Variants in FAM171A1 observed in about 807,000 individuals in gnomAD.
FAM171A1 encodes the protein family with sequence similarity 171 member A1, also known as protein FAM171A1.
A neutral mutation model predicts 74.9 loss-of-function variants in FAM171A1; 23 were observed. That is an observed-to-expected ratio of 0.31 (90% CI 0.22 to 0.44). FAM171A1 has a LOEUF of 0.44. FAM171A1 is among the 20% of genes least tolerant of loss of function. FAM171A1 has a pLI of 1.00. For synonymous variants in FAM171A1, 527 were observed against 505.7 expected, an observed-to-expected ratio of 1.04 and a Z score of -0.57; for missense variants, 1,162 against 1,159.2, an observed-to-expected ratio of 1.00 and a Z score of -0.03.
chr10:15,346,320 A>G (rs1395899949), intron 1 of FAM171A1, among the ~76,000 whole-genome samples: 1 of 151,440 alleles, frequency 6.6e-6, no homozygotes, highest in Non-Finnish European at 1.5e-5. Flanking sequence ...CTGGTCTTGA[A>G]CTCCTGGCTT....
At position 15,248,563 on chromosome 10, in the gene FAM171A1, T is replaced by C. The variant is rs1168374901; in HGVS notation, c.754+76A>G. On this transcript the variant is annotated intron_variant, in intron 5 of 7. Coordinates refer to ENST00000378116, the MANE Select transcript of FAM171A1 (RefSeq NM_001010924.2). ...TGACTTCAAGGAAAGGAGACTTCCA[T>C]GAGCTTCTTAGAAGGAAAACCAAAC... The C allele has an allele frequency of 1.6e-5, 23 of 1,462,212 alleles. No individual in the cohort carries two copies. In the East Asian group the frequency reaches 4.7e-4, roughly 30 times the overall value. 90.6% of individuals were successfully genotyped at this position (1,462,212 alleles called of 1,614,324 possible).
chr10:15,309,880 T>G (rs563313963), intron 1 of FAM171A1, among the ~76,000 whole-genome samples: 8 of 152,344 alleles, frequency 5.3e-5, no homozygotes, highest in African/African-American at 1.7e-4. Flanking sequence ...ATTAAATTAT[T>G]TTTGCTTAGT....
intron 1 of FAM171A1, among the ~76,000 whole-genome samples, chr10:15,311,782 A>T (rs1835362432): frequency 1.3e-5 from 2 of 152,146 alleles, no homozygotes; most frequent in Admixed American, 6.5e-5. Context: ...AGTAAAGGAG[A>T]ATTCTCCTCT....
At chr10:15,248,016 C>A (rs1834457361) in intron 5 of FAM171A1, among the ~76,000 whole-genome samples, 2 of 152,150 alleles carry the variant, frequency 1.3e-5, no homozygotes, top group African/African-American at 2.4e-5. Context: ...AGACTCTGAG[C>A]CCTACCACCC....
chr10:15,303,412 G>A (rs1258459769), intron 1 of FAM171A1, among the ~76,000 whole-genome samples: 1 of 152,082 alleles, frequency 6.6e-6, no homozygotes, highest in African/African-American at 2.4e-5. Flanking sequence ...ATCAGCATAC[G>A]GTATTTTCCA....
chr10:15,218,208 T>G (rs1833991647), intron 6 of FAM171A1, among the ~76,000 whole-genome samples: 1 of 152,064 alleles, frequency 6.6e-6, no homozygotes, highest in East Asian at 1.9e-4. Flanking sequence ...GCCTCCTGAG[T>G]ACCTGGGACT....
chr10:15,288,357 ATGAG>A (rs1208944745), intron 1 of FAM171A1, among the ~76,000 whole-genome samples: 1 of 151,868 alleles, frequency 6.6e-6, no homozygotes, highest in Non-Finnish European at 1.5e-5. Context: ...ATTTGGTTAC[ATGAG>A]TAAGTTTTTT....
chr10:15,227,633 G>C (rs1834125747), intron 5 of FAM171A1, among the ~76,000 whole-genome samples: 1 of 152,076 alleles, frequency 6.6e-6, no homozygotes, highest in Non-Finnish European at 1.5e-5. Flanking sequence ...CTCCTGCCTT[G>C]GCCTCCCAAA....
Position 15,220,922 on chromosome 10 carries a change from G to C in FAM171A1, c.871+22C>G, listed in dbSNP as rs201994961. The stretch of plus-strand genomic sequence containing the variant: ...ACCAAAGCAACTGATCCGCATCATC[G>C]CAAGTGTTGGCTCCGTGTTACCTGG... On this transcript the variant is annotated intron_variant, in intron 6 of 7. Coordinates refer to ENST00000378116, the MANE Select transcript of FAM171A1 (RefSeq NM_001010924.2). 2.5e-6 allele frequency: 4 copies of C among 1,573,238 alleles called. No individual in the cohort carries two copies. In the South Asian group the frequency reaches 3.3e-5, roughly 13 times the overall value.
chr10:15,240,663 G>T, intron 5 of FAM171A1: 3 of 967,594 alleles, frequency 3.1e-6, no homozygotes, highest in Non-Finnish European at 3.7e-6. Context: ...TCTCCTAAGA[G>T]TAAACTTTCA....
intron 4 of FAM171A1, among the ~76,000 whole-genome samples, chr10:15,254,393 TCTTATA>T (rs1478382283): frequency 6.6e-6 from 1 of 152,166 alleles, no homozygotes; most frequent in Non-Finnish European, 1.5e-5. Flanking sequence ...CTAAGTCTAA[TCTTATA>T]CTTAAAAAAA....
intron 5 of FAM171A1, 65 bp downstream of exon 5, chr10:15,248,574 G>C: frequency 6.7e-7 from 1 of 1,497,026 alleles, no homozygotes; most frequent in Non-Finnish European, 9.0e-7. Context: ...GAGCTTCTTA[G>C]AAGGAAAACC....
At chr10:15,276,934 A>C (rs1213169504) in intron 2 of FAM171A1, among the ~76,000 whole-genome samples, 1 of 151,670 alleles carries the variant, frequency 6.6e-6, no homozygotes, top group Non-Finnish European at 1.5e-5. Flanking sequence ...AATCCTTCCC[A>C]CCTTTGCCTT....
intron 4 of FAM171A1, among the ~76,000 whole-genome samples, chr10:15,249,193 T>C (rs1011744918): frequency 4.0e-5 from 6 of 148,890 alleles, no homozygotes; most frequent in Admixed American, 2.1e-4. Flanking sequence ...ACCTCCTGGG[T>C]TCAAGCGATC....
At chr10:15,302,043 A>G (rs1835236055) in intron 1 of FAM171A1, among the ~76,000 whole-genome samples, 1 of 152,150 alleles carries the variant, frequency 6.6e-6, no homozygotes, top group African/African-American at 2.4e-5. Flanking sequence ...GGGTTTTCAA[A>G]TTCTTAAATC....
In FAM171A1 at chr10:15,211,650, T is replaced by C. The variant is rs956141772; in HGVS notation, c.*1265A>G. On this transcript the variant is annotated 3_prime_UTR_variant, in exon 8 of 8. Coordinates refer to ENST00000378116, the MANE Select transcript of FAM171A1 (RefSeq NM_001010924.2). ...AAATGACCACAAAGACAGTTTTCCT[T>C]TTCTTCAGAGTTTATTTTGAATTTT... 7.9e-5 allele frequency: 12 copies of C among 152,178 alleles called. No individual in the cohort carries two copies. Among genetic ancestry groups the C allele is most frequent in the African/African-American group, 2.2e-4 (9 of 41,466 alleles). The allele number at this position is 152,178 out of a possible 1,614,324, so 9.4% of individuals were successfully genotyped here.
At chr10:15,225,595 G>A (rs866167797) in intron 5 of FAM171A1, among the ~76,000 whole-genome samples, 39 of 152,300 alleles carry the variant, frequency 2.6e-4, no homozygotes, top group Middle Eastern at 3.4e-3. Context: ...TTTCACCACC[G>A]GAGCAGCGGG....
intron 2 of FAM171A1, among the ~76,000 whole-genome samples, chr10:15,278,594 G>A (rs534865179): frequency 1.3e-5 from 2 of 152,198 alleles, no homozygotes; most frequent in Non-Finnish European, 2.9e-5. Context: ...CTACTGACAT[G>A]TGCTACAACG....
intron 2 of FAM171A1, among the ~76,000 whole-genome samples, chr10:15,283,627 C>T (rs1051631504): frequency 1.3e-5 from 2 of 152,084 alleles, no homozygotes; most frequent in Non-Finnish European, 1.5e-5. Flanking sequence ...TTCTGTTGCC[C>T]AGGCTAGACT....
Sources: allele counts gnomAD v4.1 joint callset (sites outside exome capture counted in the v4.1 genomes callset), GRCh38; gene constraint gnomAD v4.1.1; transcripts MANE v1.5; gene names NCBI Gene and HGNC (gene_info 2026-07-23, HGNC 2026-07-21).